The following DGKB variants were observed in gnomAD, a reference collection of about 807,000 sequenced individuals.
The protein encoded by DGKB is 90 kDa diacylglycerol kinase.
In DGKB, 67 loss-of-function variants were observed where a neutral mutation model predicts 114.3. The observed-to-expected ratio is 0.59, with a 90% CI of 0.48 to 0.72. The LOEUF is 0.72. DGKB is among the 30% of genes least tolerant of loss of function. The pLI is 0.00. For missense variants in DGKB, 907 were observed against 975.2 expected (o/e 0.93, Z 0.93); for synonymous variants, 398 against 323.1 (o/e 1.23, Z -2.49).
chr7:14,879,372 C>T (rs746736697), intron 1 of DGKB, among the ~76,000 whole-genome samples: 7 of 149,468 alleles, frequency 4.7e-5, no homozygotes, highest in South Asian at 2.1e-4. Context: ...ATCATTTGAA[C>T]GACTGTTTCT....
At chr7:14,316,150 T>C (rs947416325) in intron 23 of DGKB, among the ~76,000 whole-genome samples, 1 of 151,472 alleles carries the variant, frequency 6.6e-6, no homozygotes, top group Non-Finnish European at 1.5e-5. Flanking sequence ...AGAGGGAAAT[T>C]TATAGCACTA....
At chr7:14,893,076 A>T (rs540587937) in intron 1 of DGKB, among the ~76,000 whole-genome samples, 64 of 151,364 alleles carry the variant, frequency 4.2e-4, no homozygotes, top group Middle Eastern at 6.8e-3. Flanking sequence ...AAGCTGTTTC[A>T]AACTTCTATT....
chr7:14,718,169 G>A (rs970595635), intron 6 of DGKB, among the ~76,000 whole-genome samples: 4 of 152,082 alleles, frequency 2.6e-5, no homozygotes, highest in African/African-American at 4.8e-5. Flanking sequence ...ATATTTACAG[G>A]CAATTTTCTT....
At chr7:14,583,248 C>G in intron 17 of DGKB, 111 bp from the exon 18 acceptor site, 1 of 583,910 alleles carries the variant, frequency 1.7e-6, no homozygotes. Flanking sequence ...TTTATAAAAA[C>G]TGTAAAATAT....
intron 23 of DGKB, among the ~76,000 whole-genome samples, chr7:14,209,941 A>G (rs187785663): frequency 1.5e-4 from 23 of 151,822 alleles, no homozygotes; most frequent in Non-Finnish European, 3.1e-4. Context: ...AATGAAAGAA[A>G]TCTGGTTGAA....
chr7:14,155,204 T>C (rs999532646), intron 25 of DGKB, among the ~76,000 whole-genome samples: 1 of 152,124 alleles, frequency 6.6e-6, no homozygotes, highest in Non-Finnish European at 1.5e-5. Flanking sequence ...AGTCCCTTTT[T>C]CTAGGCCCCC....
intron 23 of DGKB, among the ~76,000 whole-genome samples, chr7:14,190,239 T>C (rs1299773218): frequency 6.6e-6 from 1 of 152,156 alleles, no homozygotes; most frequent in Non-Finnish European, 1.5e-5. Context: ...CAAAATAAAA[T>C]TTTGGAAATG....
At chr7:14,854,287 G>A (rs1194579703) in intron 1 of DGKB, among the ~76,000 whole-genome samples, 3 of 152,114 alleles carry the variant, frequency 2.0e-5, no homozygotes, top group African/African-American at 7.2e-5. Context: ...TTCTCATGGT[G>A]AGCAAAAGGA....
intron 9 of DGKB, among the ~76,000 whole-genome samples, chr7:14,692,427 AATTTTTCAGG>A (rs1411082108): frequency 6.6e-6 from 1 of 151,988 alleles, no homozygotes; most frequent in Non-Finnish European, 1.5e-5. Flanking sequence ...GTTATCTGAC[AATTTTTCAGG>A]ATAAAGTATA....
intron 23 of DGKB, among the ~76,000 whole-genome samples, chr7:14,199,768 GC>G (rs1785558092): frequency 6.6e-6 from 1 of 151,992 alleles, no homozygotes; most frequent in African/African-American, 2.4e-5. Context: ...CTATGTTATT[GC>G]TTTAAGATTT....
chr7:14,841,096 C>T, intron 2 of DGKB, 98 bp downstream of exon 2: 2 of 1,079,926 alleles, frequency 1.9e-6, no homozygotes. Flanking sequence ...GGATCTATCC[C>T]CATGAAGAAC....
intron 5 of DGKB, among the ~76,000 whole-genome samples, chr7:14,724,676 C>G (rs1396430052): frequency 1.3e-5 from 2 of 152,174 alleles, no homozygotes; most frequent in Non-Finnish European, 2.9e-5. Context: ...GCAAACAATA[C>G]TTTTGTACAG....
chr7:14,363,907 C>T (rs1429859340), intron 21 of DGKB, among the ~76,000 whole-genome samples: 2 of 151,934 alleles, frequency 1.3e-5, no homozygotes, highest in African/African-American at 4.8e-5. Context: ...GAGAAATGAG[C>T]TTTGGTAATT....
chr7:14,935,088 G>A (rs953472077), intron 1 of DGKB, among the ~76,000 whole-genome samples: 9 of 152,108 alleles, frequency 5.9e-5, no homozygotes, highest in South Asian at 4.1e-4. Flanking sequence ...CTGACAAATC[G>A]TGGTGCTGGG....
At chr7:14,856,667 A>G (rs190711199) in intron 1 of DGKB, among the ~76,000 whole-genome samples, 2 of 141,774 alleles carry the variant, frequency 1.4e-5, no homozygotes, top group African/African-American at 2.9e-5. Context: ...GTGTGTGTGT[A>G]TATATATATA....
chr7:14,800,358 C>G (rs1311741985), intron 2 of DGKB, among the ~76,000 whole-genome samples: 2 of 152,194 alleles, frequency 1.3e-5, no homozygotes, highest in South Asian at 2.1e-4. Flanking sequence ...AAGAAATTAA[C>G]ATTTGAGTCA....
intron 23 of DGKB, among the ~76,000 whole-genome samples, chr7:14,314,926 C>T (rs959474473): frequency 8.6e-5 from 13 of 151,630 alleles, no homozygotes; most frequent in Middle Eastern, 3.2e-3. Context: ...AGACTAACAG[C>T]GGATCTCTCG....
intron 21 of DGKB, among the ~76,000 whole-genome samples, chr7:14,427,657 G>C (rs1236673373): frequency 2.0e-5 from 3 of 152,138 alleles, no homozygotes; most frequent in African/African-American, 7.2e-5. Flanking sequence ...GAAGGTGAAA[G>C]GCACATCTCA....
chr7:14,812,069 A>T (rs1426378108), intron 2 of DGKB, among the ~76,000 whole-genome samples: 1 of 152,014 alleles, frequency 6.6e-6, no homozygotes, highest in Non-Finnish European at 1.5e-5. Context: ...GGCTTGTTTC[A>T]CTTAGCATAA....
Sources: gnomAD v4.1 joint callset for allele counts (sites outside exome capture counted in the v4.1 genomes callset) on GRCh38, gnomAD v4.1.1 for gene constraint, MANE v1.5 for transcripts, NCBI Gene and HGNC (gene_info 2026-07-23, HGNC 2026-07-21) for gene names.